The following VARS1 variants were observed in gnomAD, a reference collection of about 807,000 sequenced individuals.
VARS1 encodes the protein valine--tRNA ligase.
Under a neutral mutation model 161.0 loss-of-function variants are expected in VARS1, and 92 were observed. The observed-to-expected ratio is 0.57, with a 90% CI of 0.48 to 0.68. The LOEUF is 0.68. Ranked by LOEUF, VARS1 falls within the 30% of genes least tolerant of loss-of-function variation. The pLI is 0.00. For synonymous variants in VARS1, 595 were observed against 682.5 expected, an observed-to-expected ratio of 0.87 and a Z score of 2.00; for missense variants, 1,338 against 1,695.9, an observed-to-expected ratio of 0.79 and a Z score of 3.71.
At chr6:31,794,713 G>T in intron 2 of VARS1, 118 bp downstream of exon 2, 1 of 1,375,202 alleles carries the variant, frequency 7.3e-7, no homozygotes. Context: ...GGCAATCTGG[G>T]ATTTGATCAC....
chr6:31,792,628 T>TC, intron 4 of VARS1, 112 bp from the exon 5 acceptor site: 1 of 1,591,358 alleles, frequency 6.3e-7, no homozygotes, highest in Non-Finnish European at 8.6e-7. Flanking sequence ...CATGCTGACC[T>TC]CCCCCCTCTC....
At position 31,782,358 on chromosome 6, in the gene VARS1, C is replaced by T; in HGVS notation, c.2077G>A (p.Val693Met). The change falls in exon 17 of 30, where the codon GTG becomes ATG. Residue 693 changes from valine (V) to methionine (M), a missense_variant. Around this residue, in one of 3 missense-constraint regions of VARS1, gnomAD observed 902 missense variants for 1,090.3 expected, o/e 0.83. Transcript: ENST00000375663. This position sits in a 1 kb window ranked among gnomAD's most constrained non-coding sequence, Gnocchi z 8.3. ...AGGATGCGGAGGTCACCCCGAGTCA[C>T]AGCGGCGCTGGCAGCCTGGGCCATC... Reference protein sequence around the residue: ...GEMAQAASAAVTRGDLRILPE... With the variant: ...GEMAQAASAAMTRGDLRILPE... The T allele has an allele frequency of 6.2e-7, 1 of 1,612,830 alleles. No homozygotes were observed. Among genetic ancestry groups the T allele is most frequent in the Non-Finnish European group, 8.5e-7 (1 of 1,179,930 alleles).
rs1562317991 is a variant in VARS1 at position 31,795,100 on chromosome 6, T to TGC, written c.116_117dup (p.Ile40AlafsTer69). 6.7e-7 allele frequency: 1 copy of TGC among 1,488,044 alleles called. No individual in the cohort carries two copies. The highest frequency in any genetic ancestry group is 9.0e-7 in the Non-Finnish European group (1 of 1,115,818). The allele number at this position is 1,488,044 out of a possible 1,614,324, so 92.2% of individuals were successfully genotyped here. On this transcript the variant is annotated frameshift_variant, in exon 2 of 30. Coordinates refer to ENST00000375663, the MANE Select transcript of VARS1 (RefSeq NM_006295.3). LOFTEE classifies it high-confidence loss of function. This position sits in a 1 kb window ranked among gnomAD's most constrained non-coding sequence, Gnocchi z 6.9. The stretch of plus-strand genomic sequence containing the variant: ...CTAGTCGGGGGTGGCTGGAGACAGA[T>TGC]GCGGGGGTGGGCTCCTCCCCATCCG...
chr6:31,795,011 C>T lies in VARS1; in HGVS notation c.207G>A (p.Val69=), dbSNP rs1458105465. The T allele has an allele frequency of 5.6e-6, 9 of 1,593,282 alleles. No individual in the cohort carries two copies. Among genetic ancestry groups the T allele is most frequent in the Non-Finnish European group, 7.7e-6 (9 of 1,167,792 alleles). ...ALEQGPGGLW[V]WGATAVAQLL... ...GCTGGGCCACAGCCGTGGCCCCCCA[C>T]ACCCAGAGCCCACCGGGCCCCTGCT... The change falls in exon 2 of 30, where the codon GTG becomes GTA. Residue 69 remains valine, a synonymous_variant. Coordinates refer to ENST00000375663, the MANE Select transcript of VARS1 (RefSeq NM_006295.3). The surrounding 1 kb of genome is among the most constrained non-coding windows in gnomAD (Gnocchi z 6.9).
At position 31,794,853 on chromosome 6, in the gene VARS1, C is replaced by T; in HGVS notation, c.365G>A (p.Arg122Gln). The T allele has an allele frequency of 3.1e-6, 5 of 1,606,384 alleles. No individual in the cohort carries two copies. Among genetic ancestry groups the T allele is most frequent in the Non-Finnish European group, 4.3e-6 (5 of 1,175,042 alleles). Reference sequence around the variant, plus strand: ...CACCTGGGGGTCCTGGGCCGAGCTTCGGAGTCCCAGGGCCGGCAGCGTTGC... The same window carrying T: ...CACCTGGGGGTCCTGGGCCGAGCTTTGGAGTCCCAGGGCCGGCAGCGTTGC... ...CGATLPALGL[R>Q]SSAQDPQAVL... Residue 122 changes from arginine to glutamine, a missense_variant, in exon 2 of 30, where the codon CGA (arginine) becomes CAA (glutamine). Coordinates refer to ENST00000375663, the MANE Select transcript of VARS1 (RefSeq NM_006295.3).
chr6:31,788,256 C>T (rs1252517637), intron 8 of VARS1, among the ~76,000 whole-genome samples: 1 of 152,148 alleles, frequency 6.6e-6, no homozygotes, highest in Non-Finnish European at 1.5e-5. Flanking sequence ...CATCCTAGCA[C>T]TTTGGGAGAC....
rs1306277939 is a variant in VARS1 at position 31,784,754 on chromosome 6, T to G, written c.1348-40A>C. The G allele has an allele frequency of 6.2e-7, 1 of 1,611,670 alleles. No individual in the cohort carries two copies. The highest frequency in any genetic ancestry group is 8.5e-7 in the Non-Finnish European group (1 of 1,179,446). On this transcript the variant is annotated intron_variant, in intron 10 of 29. Transcript: ENST00000375663. This position sits in a 1 kb window ranked among gnomAD's most constrained non-coding sequence, Gnocchi z 6.1. The stretch of plus-strand genomic sequence containing the variant: ...GGAGAAGTCAGAGAGATGGGCCTTG[T>G]GCCTGGAGGCCCAGGCAGACACCCA...
In VARS1 at chr6:31,781,895, C is replaced by A; in HGVS notation, c.2299G>T (p.Ala767Ser). 6.2e-7 allele frequency: 1 copy of A among 1,612,974 alleles called. No homozygotes were observed. Among genetic ancestry groups the A allele is most frequent in the Non-Finnish European group, 8.5e-7 (1 of 1,180,034 alleles). The change falls in exon 19 of 30, where the codon GCA becomes TCA. Residue 767 changes from alanine to serine, a missense_variant. Coordinates refer to ENST00000375663, the MANE Select transcript of VARS1 (RefSeq NM_006295.3). This position sits in a 1 kb window ranked among gnomAD's most constrained non-coding sequence, Gnocchi z 6.8. ...GGGGACACTCCGAACTCCTTGGCTG[C>A]CTTCTCCCGGGCCTCCGCCTCATTG... ...GRNEAEAREK[A>S]AKEFGVSPDK...
chr6:31,785,740 G>A lies in VARS1; in HGVS notation c.1101-7C>T, dbSNP rs1813458657. 2 of 1,606,594 alleles carry A rather than the reference G, an allele frequency of 1.2e-6. No individual in the cohort carries two copies. Among genetic ancestry groups the A allele is most frequent in the Non-Finnish European group, 1.7e-6 (2 of 1,177,590 alleles). The stretch of plus-strand genomic sequence containing the variant: ...CTCCCCACGCATGCGGTGCCTGTTA[G>A]GGGGCATGGAGGACCAGAGGGTGAG... On this transcript the variant is annotated splice_polypyrimidine_tract_variant and splice_region_variant and intron_variant, in intron 8 of 29. Coordinates refer to ENST00000375663, the MANE Select transcript of VARS1 (RefSeq NM_006295.3). The surrounding 1 kb of genome is among the most constrained non-coding windows in gnomAD (Gnocchi z 6.1).
In VARS1 at chr6:31,780,356, G is replaced by A; in HGVS notation, c.2925+85C>T. The stretch of plus-strand genomic sequence containing the variant: ...TAACTGTCTGTCTCTGTGTCTATCT[G>A]TCCCCCCAGCTACATGGAGGCTGCT... On this transcript the variant is annotated intron_variant, in intron 25 of 29. Transcript: ENST00000375663. This position sits in a 1 kb window ranked among gnomAD's most constrained non-coding sequence, Gnocchi z 5.1. 2.6e-6 allele frequency: 4 copies of A among 1,557,984 alleles called. No homozygotes were observed. The highest frequency in any genetic ancestry group is 3.5e-6 in the Non-Finnish European group (4 of 1,151,826).
rs1348439137 is a variant in VARS1, at chr6:31,782,467, G to A, written c.1992-24C>T. On this transcript the variant is annotated intron_variant, in intron 16 of 29. Transcript: ENST00000375663. The surrounding 1 kb of genome is among the most constrained non-coding windows in gnomAD (Gnocchi z 8.3). ...GGCTGGGGGTACACGTAGGTGAGAAGGCCAGGCGGTAAAACCCTGAGGAGC... is the reference window on the plus strand; with the variant it reads ...GGCTGGGGGTACACGTAGGTGAGAAAGCCAGGCGGTAAAACCCTGAGGAGC... The A allele has an allele frequency of 1.9e-6, 3 of 1,612,110 alleles. No homozygotes were observed. In the African/African-American group the frequency reaches 4.0e-5, roughly 21 times the overall value.
At chr6:31,786,220 A>G (rs1488725039) in intron 8 of VARS1, among the ~76,000 whole-genome samples, 1 of 152,136 alleles carries the variant, frequency 6.6e-6, no homozygotes, top group African/African-American at 2.4e-5. Flanking sequence ...GGATCATGCC[A>G]TTGCACTCCA....
At chr6:31,789,074 C>T (rs1813705526) in intron 8 of VARS1, among the ~76,000 whole-genome samples, 1 of 151,756 alleles carries the variant, frequency 6.6e-6, no homozygotes, top group Non-Finnish European at 1.5e-5. Flanking sequence ...AAAGATTTGT[C>T]ACCTAGAATA....
chr6:31,795,127 G>T lies in VARS1; in HGVS notation c.91C>A (p.Pro31Thr), dbSNP rs749886962. 2 of 1,488,258 alleles carry T rather than the reference G, an allele frequency of 1.3e-6. No homozygotes were observed. The highest frequency in any genetic ancestry group is 2.7e-5 in the South Asian group (2 of 73,294). 92.2% of individuals were successfully genotyped at this position (1,488,258 alleles called of 1,614,324 possible). Residue 31 changes from proline to threonine, a missense_variant, in exon 2 of 30, where the codon CCC (proline) becomes ACC (threonine). Around this residue, in one of 3 missense-constraint regions of VARS1, gnomAD observed 902 missense variants for 1,090.3 expected, o/e 0.83. Transcript: ENST00000375663. This position sits in a 1 kb window ranked among gnomAD's most constrained non-coding sequence, Gnocchi z 6.9. ...CGGGGGTGGGCTCCTCCCCATCCGGGACCCTCCCCAGCCTCCCCATAGCGA... is the reference window on the plus strand; with the variant it reads ...CGGGGGTGGGCTCCTCCCCATCCGGTACCCTCCCCAGCCTCCCCATAGCGA... ...AARYGEAGEG[P>T]GWGGAHPRIC...
chr6:31,792,141 G>A, intron 6 of VARS1, 76 bp downstream of exon 6: 1 of 1,568,994 alleles, frequency 6.4e-7, no homozygotes, highest in Non-Finnish European at 8.7e-7. Context: ...AAAGTGGTGA[G>A]AGCAAGAATA....
Position 31,785,244 on chromosome 6 carries a change from A to G in VARS1, c.1347+2T>C. On this transcript the variant is annotated splice_donor_variant, in intron 10 of 29. Transcript: ENST00000375663. LOFTEE classifies it high-confidence loss of function. This position sits in a 1 kb window ranked among gnomAD's most constrained non-coding sequence, Gnocchi z 6.1. Reference sequence around the variant, plus strand: ...CCCAGCTTTGACACTCCTCCCACGCACAGGGTCCATGGTGAAACAGGCTCG... The same window carrying G: ...CCCAGCTTTGACACTCCTCCCACGCGCAGGGTCCATGGTGAAACAGGCTCG... 6.2e-7 allele frequency: 1 copy of G among 1,613,076 alleles called. No homozygotes were observed. Among genetic ancestry groups the G allele is most frequent in the Non-Finnish European group, 8.5e-7 (1 of 1,180,012 alleles).
At chr6:31,788,005 A>G (rs1212959995) in intron 8 of VARS1, among the ~76,000 whole-genome samples, 1 of 151,884 alleles carries the variant, frequency 6.6e-6, no homozygotes, top group Non-Finnish European at 1.5e-5. Flanking sequence ...CTATAGTCCC[A>G]GCTACTCAGG....
chr6:31,777,717 A>C lies in VARS1; in HGVS notation c.3727-55T>G. On this transcript the variant is annotated intron_variant, in intron 29 of 29. Coordinates refer to ENST00000375663, the MANE Select transcript of VARS1 (RefSeq NM_006295.3). This position sits in a 1 kb window ranked among gnomAD's most constrained non-coding sequence, Gnocchi z 5.8. The stretch of plus-strand genomic sequence containing the variant: ...CCCAGGTCCAAGTGAAGAGACCCCC[A>C]AACACCCAGGACAACAAAGTTGGAA... The C allele has an allele frequency of 6.3e-7, 1 of 1,579,472 alleles. No homozygotes were observed. Among genetic ancestry groups the C allele is most frequent in the East Asian group, 2.3e-5 (1 of 43,406 alleles).
intron 4 of VARS1, 85 bp from the exon 5 acceptor site, chr6:31,792,601 A>G (rs969244539): frequency 1.9e-5 from 31 of 1,604,514 alleles, no homozygotes; most frequent in Non-Finnish European, 2.4e-5. Flanking sequence ...GGTATTTTAG[A>G]TGCCCGAGGT....
Sources: allele counts gnomAD v4.1 joint callset (sites outside exome capture counted in the v4.1 genomes callset), GRCh38; gene constraint gnomAD v4.1.1; regional missense constraint gnomAD v4.1.1; non-coding constraint Gnocchi (gnomAD v3.1); transcripts MANE v1.5; gene names NCBI Gene and HGNC (gene_info 2026-07-23, HGNC 2026-07-21).